JAM3: variants seen among roughly 807,000 people sequenced by gnomAD.
JAM3 encodes junctional adhesion molecule 3.
Under a neutral mutation model 39.4 loss-of-function variants are expected in JAM3, and 31 were observed. That is an observed-to-expected ratio of 0.79 (90% CI 0.59 to 1.06). The LOEUF is 1.06. Ranked by LOEUF, JAM3 falls within the 50% of genes least tolerant of loss-of-function variation. The probability of loss-of-function intolerance (pLI) is 0.00; values close to 1 mark genes in which losing one functional copy is unlikely to be tolerated. For missense variants in JAM3, 455 were observed against 391.4 expected, an observed-to-expected ratio of 1.16 and a Z score of -1.37; for synonymous variants, 182 against 148.7, an observed-to-expected ratio of 1.22 and a Z score of -1.63.
chr11:134,114,014 T>C (rs1242854223), intron 1 of JAM3, among the ~76,000 whole-genome samples: 1 of 152,186 alleles, frequency 6.6e-6, no homozygotes, highest in Non-Finnish European at 1.5e-5. Context: ...TCTGTTCATA[T>C]CCTTTGCCCA....
chr11:134,088,426 T>C (rs1434405829), intron 1 of JAM3, among the ~76,000 whole-genome samples: 8 of 152,164 alleles, frequency 5.3e-5, no homozygotes, highest in African/African-American at 1.9e-4. Context: ...TTTTAAATTT[T>C]AGGTTTGGCT....
intron 1 of JAM3, among the ~76,000 whole-genome samples, chr11:134,117,209 A>AAAAATAAAAT (rs1277095783): frequency 6.6e-6 from 1 of 152,100 alleles, no homozygotes; most frequent in African/African-American, 2.4e-5. Flanking sequence ...TAAAAGTACA[A>AAAAATAAAAT]AAAATAAAAT....
intron 1 of JAM3, among the ~76,000 whole-genome samples, chr11:134,075,517 T>TG (rs34418884): frequency 0.38 from 57,461 of 151,618 alleles, 11,537 homozygotes; most frequent in African/African-American, 0.53. Flanking sequence ...TGGGCTTCTA[T>TG]GACAGAATAC....
chr11:134,092,068 T>C (rs1941869687), intron 1 of JAM3, among the ~76,000 whole-genome samples: 2 of 152,182 alleles, frequency 1.3e-5, no homozygotes, highest in African/African-American at 4.8e-5. Context: ...CGCAGAATTC[T>C]TTAGGGGCTT....
chr11:134,124,862 A>G (rs1463914645), intron 1 of JAM3, among the ~76,000 whole-genome samples: 5 of 152,248 alleles, frequency 3.3e-5, no homozygotes, highest in African/African-American at 1.2e-4. Context: ...CACACTCAGA[A>G]TCGCCGTAAA....
chr11:134,112,479 G>A (rs1456705823), intron 1 of JAM3, among the ~76,000 whole-genome samples: 1 of 152,142 alleles, frequency 6.6e-6, no homozygotes, highest in African/African-American at 2.4e-5. Flanking sequence ...TACTATGTGT[G>A]TGTGTTCATT....
intron 1 of JAM3, among the ~76,000 whole-genome samples, chr11:134,100,074 G>A (rs1323107661): frequency 6.6e-6 from 1 of 152,118 alleles, no homozygotes; most frequent in East Asian, 1.9e-4. Flanking sequence ...TGACATGGGA[G>A]AGTGACATTA....
intron 1 of JAM3, among the ~76,000 whole-genome samples, chr11:134,138,877 A>C (rs1383991122): frequency 6.6e-6 from 1 of 152,214 alleles, no homozygotes; most frequent in Non-Finnish European, 1.5e-5. Context: ...CCATTAAAGA[A>C]GATAAAGGAA....
chr11:134,117,052 A>G (rs1384625451), intron 1 of JAM3, among the ~76,000 whole-genome samples: 2 of 151,860 alleles, frequency 1.3e-5, no homozygotes, highest in Admixed American at 1.3e-4. Context: ...CAGGCATGAA[A>G]AAGAAACTTA....
intron 1 of JAM3, among the ~76,000 whole-genome samples, chr11:134,120,492 A>C (rs1053627449): frequency 2.0e-5 from 3 of 152,222 alleles, no homozygotes; most frequent in African/African-American, 7.2e-5. Context: ...ACCCAAATTA[A>C]TTTAATTTTT....
At chr11:134,104,431 C>T (rs190103622) in intron 1 of JAM3, among the ~76,000 whole-genome samples, 3,822 of 152,234 alleles carry the variant, frequency 0.025, 165 homozygotes, top group African/African-American at 0.087. Context: ...GACGCCCTAA[C>T]ATCACAATTA....
At chr11:134,077,185 G>A (rs979841774) in intron 1 of JAM3, among the ~76,000 whole-genome samples, 19 of 151,940 alleles carry the variant, frequency 1.3e-4, no homozygotes, top group Admixed American at 8.5e-4. Context: ...ATGGCATTTC[G>A]TTGTGGTTTG....
intron 1 of JAM3, among the ~76,000 whole-genome samples, chr11:134,069,754 A>G (rs1280523122): frequency 6.6e-6 from 1 of 152,154 alleles, no homozygotes; most frequent in Non-Finnish European, 1.5e-5. Context: ...GACGTAGCTG[A>G]GGACCGGCGA....
Position 134,117,444 on chromosome 11 carries a change from TAGAG to T in JAM3, c.77-22403_77-22400del, listed in dbSNP as rs527630502. ...AAGCTGTCTTGATGTCTTCCCTTAT[TAGAG>T]AGAAATATTTGGTAGTTTGCAGTCT... On this transcript the variant is annotated intron_variant, in intron 1 of 8. Coordinates refer to ENST00000299106, the MANE Select transcript of JAM3 (RefSeq NM_032801.5). Among the ~76,000 whole-genome samples the T allele has an allele frequency of 5.1e-4, 77 of 152,244 alleles. 4 individuals carry two copies. In the East Asian group the frequency reaches 0.014, roughly 28 times the overall value.
chr11:134,091,177 C>T (rs1591775318), intron 1 of JAM3, among the ~76,000 whole-genome samples: 1 of 152,046 alleles, frequency 6.6e-6, no homozygotes, highest in East Asian at 1.9e-4. Context: ...CTGGGCAACA[C>T]AGTGAGACCC....
intron 1 of JAM3, among the ~76,000 whole-genome samples, chr11:134,130,675 C>T (rs750539596): frequency 2.0e-5 from 3 of 152,234 alleles, no homozygotes; most frequent in Non-Finnish European, 4.4e-5. Context: ...GGTATTTTTA[C>T]ACACCCTTGC....
chr11:134,077,368 T>C (rs904609467), intron 1 of JAM3, among the ~76,000 whole-genome samples: 2 of 151,888 alleles, frequency 1.3e-5, no homozygotes, highest in Non-Finnish European at 2.9e-5. Context: ...GATGCCTTTT[T>C]TTTTTTTTTC....
chr11:134,140,970 C>T (rs531049225), intron 3 of JAM3, among the ~76,000 whole-genome samples, 200 bp downstream of exon 3: 3 of 152,008 alleles, frequency 2.0e-5, no homozygotes, highest in East Asian at 3.9e-4. Context: ...GCCTCCCTGT[C>T]CCTGTCCCCC....
intron 1 of JAM3, among the ~76,000 whole-genome samples, chr11:134,087,946 A>G (rs1941771688): frequency 6.6e-6 from 1 of 152,150 alleles, no homozygotes; most frequent in Admixed American, 6.5e-5. Context: ...TCTGGCCTCT[A>G]AATACAAGTG....
Sources: allele counts gnomAD v4.1 joint callset (sites outside exome capture counted in the v4.1 genomes callset), GRCh38; gene constraint gnomAD v4.1.1; transcripts MANE v1.5; gene names NCBI Gene and HGNC (gene_info 2026-07-23, HGNC 2026-07-21).